Variants in KIF6 observed in about 807,000 individuals in gnomAD.
KIF6 encodes kinesin family member 6.
In KIF6, 106 loss-of-function variants were observed where a neutral mutation model predicts 112.7. That is an observed-to-expected ratio of 0.94 (90% CI 0.80 to 1.11). The LOEUF (loss-of-function observed/expected upper bound fraction) is 1.11. Among genes scored for constraint, KIF6 ranks in the 50% least tolerant of loss-of-function variants. The pLI, the probability that KIF6 is intolerant of heterozygous loss-of-function variation, is 0.00. For missense variants in KIF6, 929 were observed against 964.0 expected, an observed-to-expected ratio of 0.96 and a Z score of 0.48; for synonymous variants, 339 against 339.9, an observed-to-expected ratio of 1.00 and a Z score of 0.03.
intron 13 of KIF6, among the ~76,000 whole-genome samples, chr6:39,532,592 T>C (rs771494606): frequency 3.9e-5 from 6 of 152,148 alleles, no homozygotes; most frequent in Non-Finnish European, 8.8e-5. Flanking sequence ...CATTCTACCA[T>C]GTTGCTGAAA....
intron 13 of KIF6, among the ~76,000 whole-genome samples, chr6:39,441,402 G>A (rs768276543): frequency 5.9e-5 from 9 of 152,102 alleles, no homozygotes; most frequent in Non-Finnish European, 8.8e-5. Context: ...TGGTCCCATC[G>A]CTTTAGGAAC....
intron 15 of KIF6, among the ~76,000 whole-genome samples, chr6:39,411,548 A>C (rs1769476389): frequency 6.6e-6 from 1 of 152,222 alleles, no homozygotes; most frequent in Admixed American, 6.5e-5. Flanking sequence ...AGTAAGAAGA[A>C]GCCTCACAAA....
At chr6:39,476,615 A>T (rs1031733666) in intron 13 of KIF6, among the ~76,000 whole-genome samples, 2 of 152,148 alleles carry the variant, frequency 1.3e-5, no homozygotes, top group Non-Finnish European at 2.9e-5. Context: ...TCTCTTCCTG[A>T]TCTACTAGTT....
intron 10 of KIF6, among the ~76,000 whole-genome samples, chr6:39,546,429 T>C (rs1017728127): frequency 5.3e-5 from 8 of 152,204 alleles, no homozygotes; most frequent in Admixed American, 4.6e-4. Flanking sequence ...TACTGACTCC[T>C]TCCTCTTTGC....
intron 16 of KIF6, among the ~76,000 whole-genome samples, chr6:39,382,497 T>C (rs909695302): frequency 2.0e-5 from 3 of 152,014 alleles, no homozygotes; most frequent in African/African-American, 4.8e-5. Context: ...AAGGATGTGA[T>C]TTTGTTTTTT....
intron 19 of KIF6, among the ~76,000 whole-genome samples, chr6:39,350,998 G>A (rs1764201266): frequency 6.6e-6 from 1 of 152,098 alleles, no homozygotes; most frequent in South Asian, 2.1e-4. Flanking sequence ...CAACCACAGG[G>A]GACAGGGCTG....
At chr6:39,481,144 A>G (rs1013537899) in intron 13 of KIF6, among the ~76,000 whole-genome samples, 1 of 152,142 alleles carries the variant, frequency 6.6e-6, no homozygotes, top group Admixed American at 6.6e-5. Context: ...TCTTTTTTTA[A>G]AAAATGAAGA....
rs371381505 is a variant in KIF6 at position 39,490,678 on chromosome 6, G to A, written c.1645+49325C>T. Among the ~76,000 whole-genome samples, 31 of 152,182 alleles carry A rather than the reference G, an allele frequency of 2.0e-4. 1 individual carries two copies. The highest frequency in any genetic ancestry group is 6.7e-4 in the African/African-American group (28 of 41,506). ...CAGAGCACACCCTAGGATTAATATGGTGTATTCTAGCTCCAATATTCTGTG... is the reference window on the plus strand; with the variant it reads ...CAGAGCACACCCTAGGATTAATATGATGTATTCTAGCTCCAATATTCTGTG... On this transcript the variant is annotated intron_variant, in intron 13 of 22. Transcript: ENST00000287152.
intron 13 of KIF6, among the ~76,000 whole-genome samples, chr6:39,497,816 CCT>C (rs1372020756): frequency 6.6e-6 from 1 of 152,214 alleles, no homozygotes; most frequent in Non-Finnish European, 1.5e-5. Flanking sequence ...CAGTCCATCC[CCT>C]GTTCTGTTCC....
chr6:39,710,591 T>TA (rs1369572427), intron 3 of KIF6, among the ~76,000 whole-genome samples: 1 of 151,474 alleles, frequency 6.6e-6, no homozygotes, highest in Non-Finnish European at 1.5e-5. Flanking sequence ...TAGCAAAAAT[T>TA]AAAAAATTTA....
At chr6:39,557,293 T>C (rs543938000) in intron 10 of KIF6, among the ~76,000 whole-genome samples, 10 of 152,270 alleles carry the variant, frequency 6.6e-5, no homozygotes, top group African/African-American at 2.4e-4. Context: ...AAAGCAAGTG[T>C]ATGTAAATTG....
At chr6:39,695,372 C>T (rs1788467692) in intron 3 of KIF6, among the ~76,000 whole-genome samples, 1 of 152,126 alleles carries the variant, frequency 6.6e-6, no homozygotes, top group Non-Finnish European at 1.5e-5. Flanking sequence ...AAACAGACAA[C>T]CTACAGAGTG....
chr6:39,385,289 T>A (rs1224865572), intron 16 of KIF6, among the ~76,000 whole-genome samples: 1 of 152,170 alleles, frequency 6.6e-6, no homozygotes, highest in Non-Finnish European at 1.5e-5. Context: ...TAGTTAGTAG[T>A]GGCTCTGAAA....
chr6:39,349,536 G>A (rs747302505), intron 19 of KIF6, among the ~76,000 whole-genome samples: 4 of 151,930 alleles, frequency 2.6e-5, no homozygotes, highest in Non-Finnish European at 5.9e-5. Context: ...GAGTGGAGGA[G>A]GGAAGGAGGC....
At chr6:39,478,446 C>A (rs1276432965) in intron 13 of KIF6, among the ~76,000 whole-genome samples, 2 of 152,132 alleles carry the variant, frequency 1.3e-5, no homozygotes, top group African/African-American at 4.8e-5. Flanking sequence ...GACTAATGGG[C>A]ATTTGGGCTG....
chr6:39,636,216 C>T (rs928409428), intron 4 of KIF6, among the ~76,000 whole-genome samples: 3 of 151,946 alleles, frequency 2.0e-5, no homozygotes, highest in Admixed American at 6.6e-5. Flanking sequence ...TTCTTTGGTT[C>T]TAAAATGGCT....
chr6:39,658,896 T>C (rs890078547), intron 3 of KIF6, among the ~76,000 whole-genome samples: 7 of 152,322 alleles, frequency 4.6e-5, no homozygotes, highest in African/African-American at 1.7e-4. Context: ...TTTTGAGTTA[T>C]AAAGAATCAC....
At chr6:39,444,726 A>G (rs752334141) in intron 13 of KIF6, among the ~76,000 whole-genome samples, 1 of 152,058 alleles carries the variant, frequency 6.6e-6, no homozygotes, top group Non-Finnish European at 1.5e-5. Flanking sequence ...CTCCTTTTGC[A>G]TGCTATGTTG....
chr6:39,588,899 G>T (rs1207212945), intron 7 of KIF6, among the ~76,000 whole-genome samples: 1 of 152,168 alleles, frequency 6.6e-6, no homozygotes, highest in East Asian at 1.9e-4. Context: ...ACACGCCTTG[G>T]ATTAGTCTCC....
Sources: allele counts gnomAD v4.1 joint callset (sites outside exome capture counted in the v4.1 genomes callset), GRCh38; gene constraint gnomAD v4.1.1; transcripts MANE v1.5; gene names NCBI Gene and HGNC (gene_info 2026-07-23, HGNC 2026-07-21).